Variants in CPD observed in about 807,000 individuals in gnomAD.
The protein encoded by CPD is metallocarboxypeptidase D.
CPD carries 69 observed loss-of-function variants against 138.3 expected under a neutral mutation model. The ratio of observed to expected loss-of-function variants is 0.50; its 90% CI spans 0.41 to 0.61. The LOEUF (loss-of-function observed/expected upper bound fraction) is 0.61. Ranked by LOEUF, CPD falls within the 20% of genes least tolerant of loss-of-function variation. The pLI is 0.00. For missense variants in CPD, 1,432 were observed against 1,733.3 expected (o/e 0.83, Z 3.09); for synonymous variants, 651 against 642.1 (o/e 1.01, Z -0.21).
chr17:30,465,129 G>T lies in CPD; in HGVS notation c.*315G>T. ...AGCCAACTAGAGGATGTTGTATTTT[G>T]CACATCAGATGTTTACTAGTGGCTT... On this transcript the variant is annotated 3_prime_UTR_variant, in exon 21 of 21. Transcript: ENST00000225719. 3.6e-6 allele frequency: 1 copy of T among 276,414 alleles called. No individual in the cohort carries two copies. 17.1% of individuals were successfully genotyped at this position (276,414 alleles called of 1,614,324 possible).
rs113868957 is a variant in CPD, at chr17:30,394,901, A to ATGTGTGTG, written c.994+9683_994+9690dup. 9.4e-3 allele frequency among the ~76,000 whole-genome samples: 1,397 copies of ATGTGTGTG among 148,416 alleles called. 20 individuals are homozygous for ATGTGTGTG. The highest frequency in any genetic ancestry group is 0.032 in the African/African-American group (1,275 of 40,298). ...ACAGCAAGCGAGTGAGCATGTGTGT[A>ATGTGTGTG]TGTGTGTGTGTGTGTGTGTGTGTGT... On this transcript the variant is annotated intron_variant, in intron 2 of 20. Transcript: ENST00000225719.
chr17:30,380,319 A>G lies in CPD; in HGVS notation c.746+593A>G, dbSNP rs1424055914. On this transcript the variant is annotated intron_variant, in intron 1 of 20. Transcript: ENST00000225719. The stretch of plus-strand genomic sequence containing the variant: ...AGGGACACTGGAGCCCAAAAATGGC[A>G]GATGATATTCCCAGGATCTTCCCCT... The G allele has an allele frequency of 2.2e-4, 58 of 268,872 alleles. No homozygotes were observed. The Admixed American group carries it at 3.2e-3, about 15-fold the overall frequency. 16.7% of individuals were successfully genotyped at this position (268,872 alleles called of 1,614,324 possible). A position where few individuals can be genotyped will look rare whatever the true frequency, so the allele number is the denominator to read the frequency against.
intron 2 of CPD, among the ~76,000 whole-genome samples, chr17:30,418,041 G>A (rs749370409): frequency 4.0e-5 from 6 of 151,810 alleles, no homozygotes; most frequent in Non-Finnish European, 7.4e-5. Flanking sequence ...CTGAACCCCC[G>A]CTCCTTTTGG....
intron 2 of CPD, among the ~76,000 whole-genome samples, chr17:30,420,623 A>G (rs1164134524): frequency 2.6e-5 from 4 of 152,176 alleles, no homozygotes; most frequent in African/African-American, 7.2e-5. Flanking sequence ...TATTAATTAA[A>G]TGTATTTTTT....
intron 6 of CPD, among the ~76,000 whole-genome samples, chr17:30,424,093 G>A (rs1265241085): frequency 2.0e-5 from 3 of 151,976 alleles, no homozygotes; most frequent in Admixed American, 1.3e-4. Flanking sequence ...ATGTGTTCAG[G>A]GTAGTCAGGG....
chr17:30,422,863 G>C lies in CPD; in HGVS notation c.1497G>C (p.Lys499Asn). Residue 499 changes from lysine (K) to asparagine (N), a missense_variant, in exon 5 of 21, where the codon AAG (lysine) becomes AAC (asparagine). By Grantham distance (94) the Lys-to-Asn change is moderately conservative. This residue lies in a region of CPD where 160 missense variants were observed against 197.9 expected (regional missense o/e 0.81). Coordinates refer to ENST00000225719, the MANE Select transcript of CPD (RefSeq NM_001304.5). ...CCTCCTACCAGCCAATTCAGCCAAA[G>C]GACTTTCACCACCACCATTTCCCTG... ...TSSSYQPIQP[K>N]DFHHHHFPDM... 1 of 1,614,028 alleles carries C rather than the reference G, an allele frequency of 6.2e-7. No individual in the cohort carries two copies. Among genetic ancestry groups the C allele is most frequent in the Non-Finnish European group, 8.5e-7 (1 of 1,179,958 alleles).
At chr17:30,400,382 ATATATGC>A (rs1285977479) in intron 2 of CPD, among the ~76,000 whole-genome samples, 1 of 152,138 alleles carries the variant, frequency 6.6e-6, no homozygotes, top group Non-Finnish European at 1.5e-5. Context: ...TAACTTATAT[ATATATGC>A]TGCACTGAAA....
intron 2 of CPD, among the ~76,000 whole-genome samples, chr17:30,401,772 C>T (rs1911678611): frequency 6.6e-6 from 1 of 152,140 alleles, no homozygotes; most frequent in African/African-American, 2.4e-5. Flanking sequence ...AGGCATGAGC[C>T]ATTGTGCCCA....
chr17:30,431,206 A>G (rs1224555933), intron 7 of CPD, among the ~76,000 whole-genome samples: 2 of 152,214 alleles, frequency 1.3e-5, no homozygotes, highest in African/African-American at 2.4e-5. Context: ...GTGCATTTCC[A>G]CAATAACTAA....
chr17:30,418,340 C>G (rs1035127469), intron 2 of CPD, among the ~76,000 whole-genome samples: 3 of 151,954 alleles, frequency 2.0e-5, no homozygotes, highest in African/African-American at 7.3e-5. Context: ...GCCACCATGC[C>G]CAGCTAATTT....
At chr17:30,461,036 T>C in intron 17 of CPD, 144 bp from the exon 18 acceptor site, 1 of 525,216 alleles carries the variant, frequency 1.9e-6, no homozygotes, top group Non-Finnish European at 3.2e-6. Flanking sequence ...GGTTTATTTA[T>C]ATTTGTCATA....
At chr17:30,408,122 G>A (rs954652333) in intron 2 of CPD, among the ~76,000 whole-genome samples, 11 of 152,124 alleles carry the variant, frequency 7.2e-5, no homozygotes, top group Admixed American at 7.2e-4. Flanking sequence ...ATATCAGATG[G>A]TTGTAGATGT....
At chr17:30,416,449 G>A (rs1567873077) in intron 2 of CPD, among the ~76,000 whole-genome samples, 2 of 152,236 alleles carry the variant, frequency 1.3e-5, no homozygotes, top group East Asian at 3.9e-4. Flanking sequence ...GTGTTCTTTA[G>A]CACAATAAAA....
At chr17:30,420,430 CT>C (rs1325086169) in intron 2 of CPD, among the ~76,000 whole-genome samples, 1 of 152,116 alleles carries the variant, frequency 6.6e-6, no homozygotes, top group Non-Finnish European at 1.5e-5. Flanking sequence ...TTGTGCCCTA[CT>C]TTTCATATCT....
Position 30,379,344 on chromosome 17 carries a change from GC to G in CPD, c.365del (p.Ala122GlyfsTer11). The G allele has an allele frequency of 1.3e-6, 2 of 1,495,280 alleles. No individual in the cohort carries two copies. Among genetic ancestry groups the G allele is most frequent in the South Asian group, 1.3e-5 (1 of 79,804 alleles). 92.6% of individuals were successfully genotyped at this position (1,495,280 alleles called of 1,614,324 possible). ...GCCTGACGCTGCCGGGCCCGACGCT[GC>G]GGGGCCGCTGCTGCCCGGCCGGCCC... ...AGPDAAGPDAAGPLLPGRPQV... is the reference protein window; with the variant it reads ...AGPDAAGPDAXGPLLPGRPQV... On this transcript the variant is annotated frameshift_variant, in exon 1 of 21. Transcript: ENST00000225719. LOFTEE classifies it high-confidence loss of function. This position sits in a 1 kb window ranked among gnomAD's most constrained non-coding sequence, Gnocchi z 7.0.
At position 30,462,443 on chromosome 17, in the gene CPD, C is replaced by T. The variant is rs1913514734; in HGVS notation, c.3890C>T (p.Pro1297Leu). Residue 1297 changes from proline (P) to leucine (L), a missense_variant, in exon 20 of 21, where the codon CCA becomes CTA. Physicochemically the swap from Pro to Leu is moderately conservative, Grantham distance 98. Transcript: ENST00000225719. ...FDTDNRIFGL[P>L]RELVVTVSGA... ...ACAGATAACCGGATATTTGGTTTGC[C>T]AAGGGAGCTTGTGGTAACTGTATCA... The T allele has an allele frequency of 1.2e-6, 2 of 1,613,616 alleles. No individual in the cohort carries two copies. The highest frequency in any genetic ancestry group is 2.2e-5 in the South Asian group (2 of 91,068).
At chr17:30,389,365 AT>A (rs1424154194) in intron 2 of CPD, among the ~76,000 whole-genome samples, 1 of 152,234 alleles carries the variant, frequency 6.6e-6, no homozygotes, top group African/African-American at 2.4e-5. Context: ...ATTAGAGGTG[AT>A]TTGAAAATCA....
chr17:30,380,384 C>A, intron 1 of CPD: 1 of 877,514 alleles, frequency 1.1e-6, no homozygotes, highest in Non-Finnish European at 1.4e-6. Context: ...CAATTTTTAC[C>A]TCTGACTCAG....
Position 30,456,236 on chromosome 17 carries a change from CT to C in CPD, c.3338-19del. 6.3e-7 allele frequency: 1 copy of C among 1,582,880 alleles called. No individual in the cohort carries two copies. Among genetic ancestry groups the C allele is most frequent in the Admixed American group, 1.8e-5 (1 of 56,886 alleles). On this transcript the variant is annotated intron_variant, in intron 15 of 20. Coordinates refer to ENST00000225719, the MANE Select transcript of CPD (RefSeq NM_001304.5). ...ATCATTTGGATTTCTCCACTGACTT[CT>C]AAATTTTTCTTTCTATAGTGGAAAA... is the stretch of plus-strand genomic sequence containing the variant.
Sources: allele counts gnomAD v4.1 joint callset (sites outside exome capture counted in the v4.1 genomes callset), GRCh38; gene constraint gnomAD v4.1.1; regional missense constraint gnomAD v4.1.1; non-coding constraint Gnocchi (gnomAD v3.1); transcripts MANE v1.5; gene names NCBI Gene and HGNC (gene_info 2026-07-23, HGNC 2026-07-21).